Variants in ST18 observed in about 807,000 individuals in gnomAD.
The protein encoded by ST18 is suppression of tumorigenicity 18 protein.
Under a neutral mutation model 110.0 loss-of-function variants are expected in ST18, and 50 were observed. That is an observed-to-expected ratio of 0.45 (90% CI 0.36 to 0.58). The LOEUF is 0.58. Ranked by LOEUF, ST18 falls within the 20% of genes least tolerant of loss-of-function variation. The pLI is 0.00. For missense variants in ST18, 1,306 were observed against 1,280.1 expected (o/e 1.02, Z -0.31); for synonymous variants, 461 against 452.4 (o/e 1.02, Z -0.24).
At chr8:52,356,309 C>CT (rs1221901342) in intron 2 of ST18, among the ~76,000 whole-genome samples, 1 of 152,054 alleles carries the variant, frequency 6.6e-6, no homozygotes, top group African/African-American at 2.4e-5. Context: ...CTTTCTTTTT[C>CT]TTTTTTTAGC....
At chr8:52,356,309 CT>C (rs1221901342) in intron 2 of ST18, among the ~76,000 whole-genome samples, 3 of 152,056 alleles carry the variant, frequency 2.0e-5, no homozygotes, top group African/African-American at 4.8e-5. Context: ...CTTTCTTTTT[CT>C]TTTTTTAGCC....
rs772328533 is a variant in ST18 at position 52,143,016 on chromosome 8, T to G, written c.2082A>C (p.Leu694Phe). 4 of 1,613,546 alleles carry G rather than the reference T, an allele frequency of 2.5e-6. No individual in the cohort carries two copies. Among genetic ancestry groups the G allele is most frequent in the Non-Finnish European group, 1.7e-6 (2 of 1,179,608 alleles). ...CCTCTCCAGGAAACTTTTTTTCCTC[T>G]AAATTTTCTAGAGAGCTCACTGGGT... ...EKDPVSSLENLEEKKFPGEAS... is the reference protein window; with the variant it reads ...EKDPVSSLENFEEKKFPGEAS... The change falls in exon 17 of 26, where the codon TTA (leucine) becomes TTC (phenylalanine). Residue 694 changes from leucine (L) to phenylalanine (F), a missense_variant. Leu to Phe is a conservative substitution (Grantham distance 22). Coordinates refer to ENST00000689386, the MANE Select transcript of ST18 (RefSeq NM_001352837.2).
intron 7 of ST18, among the ~76,000 whole-genome samples, 187 bp from the exon 8 acceptor site, chr8:52,212,296 G>C (rs551940311): frequency 1.3e-5 from 2 of 152,192 alleles, no homozygotes; most frequent in South Asian, 4.1e-4. Context: ...CAGACCGGCT[G>C]TGGGTTTAGT....
rs558175709 is a variant in ST18 at position 52,362,429 on chromosome 8, T to C, written c.-465+46899A>G. On this transcript the variant is annotated intron_variant, in intron 2 of 25. Transcript: ENST00000689386. ...AGGCTCCCTCCATTCAAATGCTGTT[T>C]TCATCAACTGGCAACATTAGGCAAA... is the stretch of plus-strand genomic sequence containing the variant. Among the ~76,000 whole-genome samples, 4 of 152,302 alleles carry C rather than the reference T, an allele frequency of 2.6e-5. No homozygotes were observed. In the South Asian group the frequency reaches 8.3e-4, roughly 32 times the overall value.
chr8:52,275,808 A>G (rs1228544478), intron 2 of ST18, among the ~76,000 whole-genome samples: 3 of 152,016 alleles, frequency 2.0e-5, no homozygotes, highest in Non-Finnish European at 4.4e-5. Context: ...CCATGCCCAC[A>G]CCTCATAAGG....
In ST18 at chr8:52,214,229, A is replaced by G. The variant is rs2083287700; in HGVS notation, c.29T>C (p.Leu10Pro). 1 of 1,614,104 alleles carries G rather than the reference A, an allele frequency of 6.2e-7. No individual in the cohort carries two copies. Among genetic ancestry groups the G allele is most frequent in the Non-Finnish European group, 8.5e-7 (1 of 1,179,982 alleles). Residue 10 changes from leucine (L) to proline (P), a missense_variant, in exon 7 of 26, where the codon CTG becomes CCG. Leu to Pro is a moderately conservative substitution (Grantham distance 98). Coordinates refer to ENST00000689386, the MANE Select transcript of ST18 (RefSeq NM_001352837.2). ...CTCGGTTCCTTTAGAGCGAGTACGCAGCGTTTTATCTTCAGCCTCTGCATC... is the reference window on the plus strand; with the variant it reads ...CTCGGTTCCTTTAGAGCGAGTACGCGGCGTTTTATCTTCAGCCTCTGCATC... MDAEAEDKT[L>P]RTRSKGTEVP... is the part of the protein sequence containing the mutation.
At chr8:52,261,861 T>G (rs905201824) in intron 2 of ST18, among the ~76,000 whole-genome samples, 1 of 152,196 alleles carries the variant, frequency 6.6e-6, no homozygotes, top group Non-Finnish European at 1.5e-5. Context: ...CCTTCAGTAT[T>G]ATTTTTCTAA....
chr8:52,192,521 G>A (rs946085235), intron 8 of ST18, among the ~76,000 whole-genome samples: 1 of 152,222 alleles, frequency 6.6e-6, no homozygotes, highest in Non-Finnish European at 1.5e-5. Context: ...TTGCTAGCCT[G>A]ATGGAGCAGG....
intron 8 of ST18, among the ~76,000 whole-genome samples, chr8:52,196,858 G>T (rs557245073): frequency 6.6e-6 from 1 of 152,262 alleles, no homozygotes; most frequent in African/African-American, 2.4e-5. Flanking sequence ...CCTCCTGGAG[G>T]TAAGGGCTAT....
At chr8:52,219,153 T>C (rs1255688276) in intron 5 of ST18, among the ~76,000 whole-genome samples, 2 of 152,080 alleles carry the variant, frequency 1.3e-5, no homozygotes, top group Non-Finnish European at 2.9e-5. Context: ...AAACATAGCT[T>C]TGGGGCAGCT....
intron 2 of ST18, among the ~76,000 whole-genome samples, chr8:52,381,681 C>A (rs570201940): frequency 3.3e-5 from 5 of 152,244 alleles, no homozygotes; most frequent in Admixed American, 2.6e-4. Flanking sequence ...CACTGCTGGG[C>A]AGATTGCACC....
At chr8:52,273,948 A>G (rs1327344358) in intron 2 of ST18, among the ~76,000 whole-genome samples, 2 of 152,214 alleles carry the variant, frequency 1.3e-5, no homozygotes, top group African/African-American at 2.4e-5. Flanking sequence ...TTATTCCACA[A>G]TGCTTCAGAT....
intron 2 of ST18, among the ~76,000 whole-genome samples, chr8:52,250,559 G>A (rs1215813566): frequency 1.3e-5 from 2 of 149,038 alleles, no homozygotes; most frequent in African/African-American, 5.0e-5. Context: ...CCAACCCACA[G>A]GGTGCAAACA....
At chr8:52,197,753 G>A (rs554586358) in intron 8 of ST18, among the ~76,000 whole-genome samples, 2 of 152,002 alleles carry the variant, frequency 1.3e-5, no homozygotes, top group African/African-American at 2.4e-5. Context: ...GGAAAGAAGT[G>A]TGCACATGTC....
intron 2 of ST18, among the ~76,000 whole-genome samples, chr8:52,363,277 T>C (rs1712550466): frequency 1.3e-5 from 2 of 152,206 alleles, no homozygotes; most frequent in Admixed American, 1.3e-4. Context: ...CATTCTGCCA[T>C]TTTTTGCTTC....
intron 16 of ST18, among the ~76,000 whole-genome samples, chr8:52,147,454 C>T (rs933119444): frequency 1.3e-5 from 2 of 152,058 alleles, no homozygotes; most frequent in African/African-American, 2.4e-5. Context: ...AAAGTATAAT[C>T]AGTGTCAAAC....
At chr8:52,134,570 T>C (rs1157209110) in intron 19 of ST18, among the ~76,000 whole-genome samples, 1 of 151,844 alleles carries the variant, frequency 6.6e-6, no homozygotes, top group East Asian at 1.9e-4. Context: ...TGCATTTATA[T>C]TCAAGCCTGA....
At chr8:52,156,862 T>C (rs1336783323) in intron 15 of ST18, among the ~76,000 whole-genome samples, 1 of 152,210 alleles carries the variant, frequency 6.6e-6, no homozygotes, top group Non-Finnish European at 1.5e-5. Context: ...ACAATTTTCA[T>C]GGGAAAATGG....
intron 2 of ST18, among the ~76,000 whole-genome samples, chr8:52,332,573 C>T (rs1810062357): frequency 7.1e-6 from 1 of 140,838 alleles, no homozygotes; most frequent in African/African-American, 2.7e-5. Flanking sequence ...AAAATGCAGG[C>T]CGGGCACGGT....
Sources: allele counts gnomAD v4.1 joint callset (sites outside exome capture counted in the v4.1 genomes callset), GRCh38; gene constraint gnomAD v4.1.1; transcripts MANE v1.5; gene names NCBI Gene and HGNC (gene_info 2026-07-23, HGNC 2026-07-21).